PCDHGA9: variants seen among roughly 807,000 people sequenced by gnomAD.
PCDHGA9 encodes the protein protocadherin gamma subfamily A, 9, also known as protocadherin gamma-A9.
A neutral mutation model predicts 62.5 loss-of-function variants in PCDHGA9; 37 were observed. The ratio of observed to expected loss-of-function variants is 0.59; its 90% CI spans 0.46 to 0.78. The LOEUF is 0.78. PCDHGA9 is among the 30% of genes least tolerant of loss of function. The probability of loss-of-function intolerance (pLI) is 0.00; values close to 1 mark genes in which losing one functional copy is unlikely to be tolerated. For synonymous variants in PCDHGA9, 459 were observed against 484.6 expected, an observed-to-expected ratio of 0.95 and a Z score of 0.69; for missense variants, 1,138 against 1,166.2, an observed-to-expected ratio of 0.98 and a Z score of 0.35.
intron 1 of PCDHGA9, among the ~76,000 whole-genome samples, chr5:141,450,829 A>ATTTT (rs373424450): frequency 2.2e-4 from 30 of 135,142 alleles, no homozygotes; most frequent in African/African-American, 6.3e-4. Flanking sequence ...TATTATTATT[A>ATTTT]TTTTTTTTTT....
chr5:141,450,450 C>T (rs964666176), intron 1 of PCDHGA9, among the ~76,000 whole-genome samples: 5 of 151,996 alleles, frequency 3.3e-5, no homozygotes, highest in African/African-American at 9.7e-5. Context: ...TTTTATGTTT[C>T]CTCGTGATTT....
rs2099748179 is a variant in PCDHGA9 at position 141,493,421 on chromosome 5, T to G, written c.2425-1386T>G. Among the ~76,000 whole-genome samples the G allele has an allele frequency of 6.6e-6, 1 of 152,182 alleles. No individual in the cohort carries two copies. Among genetic ancestry groups the G allele is most frequent in the South Asian group, 2.1e-4 (1 of 4,830 alleles). On this transcript the variant is annotated intron_variant, in intron 1 of 3. Coordinates refer to ENST00000573521, the MANE Select transcript of PCDHGA9 (RefSeq NM_018921.3). The surrounding 1 kb of genome is among the most constrained non-coding windows in gnomAD (Gnocchi z 4.3). Reference sequence around the variant, plus strand: ...GGAGTTGCCTCTGCTGGGATTTTGCTTCTGCTGGGATGGGGCAAGGGTGGG... The same window carrying G: ...GGAGTTGCCTCTGCTGGGATTTTGCGTCTGCTGGGATGGGGCAAGGGTGGG...
intron 1 of PCDHGA9, chr5:141,419,399 G>T (rs893535249): frequency 6.2e-7 from 1 of 1,613,470 alleles, no homozygotes. Context: ...GAGCGGGGTG[G>T]TGTTCGCGCA....
intron 1 of PCDHGA9, among the ~76,000 whole-genome samples, chr5:141,462,382 C>T (rs80320684): frequency 0.016 from 2,433 of 152,148 alleles, 70 homozygotes; most frequent in African/African-American, 0.055. Flanking sequence ...CTTTTAAATT[C>T]GTTAACATTT....
chr5:141,417,701 C>T (rs1382264857), intron 1 of PCDHGA9: 1 of 1,192,516 alleles, frequency 8.4e-7, no homozygotes, highest in Admixed American at 3.0e-5. Flanking sequence ...CCAGCTCCCA[C>T]ACAGAGGCTC....
At chr5:141,502,866 C>CTTTTTTTTTTTTTTTT (rs549047197) in intron 2 of PCDHGA9, among the ~76,000 whole-genome samples, 4 of 128,044 alleles carry the variant, frequency 3.1e-5, no homozygotes, top group African/African-American at 3.1e-5. Context: ...GACTCTCTGT[C>CTTTTTTTTTTTTTTTT]TTTTTTTTTT....
At chr5:141,463,738 G>A (rs1002263384) in intron 1 of PCDHGA9, among the ~76,000 whole-genome samples, 4 of 151,978 alleles carry the variant, frequency 2.6e-5, no homozygotes, top group Admixed American at 2.6e-4. Flanking sequence ...GAGCCACCGC[G>A]CCCGGCCTGC....
intron 1 of PCDHGA9, among the ~76,000 whole-genome samples, chr5:141,470,572 A>G (rs1349952470): frequency 6.6e-6 from 1 of 152,208 alleles, no homozygotes; most frequent in Non-Finnish European, 1.5e-5. Flanking sequence ...GCCAAGCAGG[A>G]TCAACTTCAT....
At chr5:141,418,328 G>C in intron 1 of PCDHGA9, 1 of 1,614,002 alleles carries the variant, frequency 6.2e-7, no homozygotes. Flanking sequence ...TCTTGAGTCT[G>C]CAGAAGATCC....
At chr5:141,421,164 A>C (rs1304650780) in intron 1 of PCDHGA9, 9 of 1,286,298 alleles carry the variant, frequency 7.0e-6, no homozygotes, top group Non-Finnish European at 9.4e-6. Context: ...GACTTCATAG[A>C]TACATAAGCC....
rs759899934 is a variant in PCDHGA9, at chr5:141,421,255, C to G, written c.2424+15879C>G. The stretch of plus-strand genomic sequence containing the variant: ...GGCGAATCGGCTACAGCGCGGGGAC[C>G]GCAGTCGGCTGCTGCTGCTGCTGTG... On this transcript the variant is annotated intron_variant, in intron 1 of 3. Coordinates refer to ENST00000573521, the MANE Select transcript of PCDHGA9 (RefSeq NM_018921.3). The G allele has an allele frequency of 6.0e-5, 97 of 1,607,644 alleles. No individual in the cohort carries two copies. Among genetic ancestry groups the G allele is most frequent in the Middle Eastern group, 3.3e-4 (2 of 6,058 alleles).
chr5:141,481,312 T>C (rs953898526), intron 1 of PCDHGA9, among the ~76,000 whole-genome samples: 1 of 152,200 alleles, frequency 6.6e-6, no homozygotes, highest in Non-Finnish European at 1.5e-5. Flanking sequence ...AAAACCTTCC[T>C]AAAGCACTAG....
At chr5:141,425,719 A>G (rs2096890303) in intron 1 of PCDHGA9, among the ~76,000 whole-genome samples, 1 of 152,200 alleles carries the variant, frequency 6.6e-6, no homozygotes. Context: ...TTCCCATACC[A>G]CTTGATGGGG....
In PCDHGA9 at chr5:141,431,457, T is replaced by C; in HGVS notation, c.2424+26081T>C. ...ACCGCGCGCATCCGCGTGATGGTTC[T>C]GGATGCGAACGACAACGCACCAGCG... On this transcript the variant is annotated intron_variant, in intron 1 of 3. Transcript: ENST00000573521. This position sits in a 1 kb window ranked among gnomAD's most constrained non-coding sequence, Gnocchi z 4.8. 6.2e-7 allele frequency: 1 copy of C among 1,613,818 alleles called. No homozygotes were observed. Among genetic ancestry groups the C allele is most frequent in the South Asian group, 1.1e-5 (1 of 91,088 alleles).
chr5:141,413,932 G>T (rs762255781), intron 1 of PCDHGA9: 2 of 1,613,426 alleles, frequency 1.2e-6, no homozygotes, highest in Admixed American at 1.7e-5. Context: ...AGAATACCGA[G>T]TGAGTGTTCC....
At position 141,447,650 on chromosome 5, in the gene PCDHGA9, T is replaced by C. The variant is rs555134653; in HGVS notation, c.2424+42274T>C. Reference sequence around the variant, plus strand: ...AACAGTATGAATGATGGTAGAATTTTCCCCCCCAGGAAGTTAGAACTGTTC... The same window carrying C: ...AACAGTATGAATGATGGTAGAATTTCCCCCCCCAGGAAGTTAGAACTGTTC... On this transcript the variant is annotated intron_variant, in intron 1 of 3. Transcript: ENST00000573521. Among the ~76,000 whole-genome samples, 24 of 152,106 alleles carry C rather than the reference T, an allele frequency of 1.6e-4. No homozygotes were observed. The South Asian group carries it at 2.3e-3, about 15-fold the overall frequency.
chr5:141,412,215 C>T (rs1265657058), intron 1 of PCDHGA9: 1 of 152,240 alleles, frequency 6.6e-6, no homozygotes, highest in Non-Finnish European at 1.5e-5. Flanking sequence ...GACATAAACA[C>T]TTACTTGTTA....
rs748223478 is a variant in PCDHGA9 at position 141,415,687 on chromosome 5, G to T, written c.2424+10311G>T. ...TTACTTTGAAGTTTGCGGCATGATG[G>T]TGGAAAGTGTAAATGCTAAAACACT... On this transcript the variant is annotated intron_variant, in intron 1 of 3. Coordinates refer to ENST00000573521, the MANE Select transcript of PCDHGA9 (RefSeq NM_018921.3). 1.1e-5 allele frequency: 17 copies of T among 1,535,300 alleles called. No individual in the cohort carries two copies. In the South Asian group the frequency reaches 1.3e-4, roughly 12 times the overall value.
At chr5:141,458,496 A>G (rs905073741) in intron 1 of PCDHGA9, among the ~76,000 whole-genome samples, 1 of 151,694 alleles carries the variant, frequency 6.6e-6, no homozygotes, top group Non-Finnish European at 1.5e-5. Flanking sequence ...CTGCCTGTAC[A>G]TACTGTTTGA....
Sources: gnomAD v4.1 joint callset for allele counts (sites outside exome capture counted in the v4.1 genomes callset) on GRCh38, gnomAD v4.1.1 for gene constraint, Gnocchi (gnomAD v3.1) non-coding constraint, MANE v1.5 for transcripts, NCBI Gene and HGNC (gene_info 2026-07-23, HGNC 2026-07-21) for gene names.